The following OSBPL10 variants were observed in gnomAD, a reference collection of about 807,000 sequenced individuals.
OSBPL10 encodes oxysterol-binding protein-related protein 10.
Under a neutral mutation model 81.7 loss-of-function variants are expected in OSBPL10, and 49 were observed. The ratio of observed to expected loss-of-function variants is 0.60; its 90% CI spans 0.48 to 0.76. OSBPL10 has a LOEUF of 0.76. Among genes scored for constraint, OSBPL10 ranks in the 30% least tolerant of loss-of-function variants. The probability of loss-of-function intolerance (pLI) is 0.00; values close to 1 mark genes in which losing one functional copy is unlikely to be tolerated. For synonymous variants in OSBPL10, 419 were observed against 383.6 expected (o/e 1.09, Z -1.08); for missense variants, 923 against 987.8 (o/e 0.93, Z 0.88).
intron 7 of OSBPL10, among the ~76,000 whole-genome samples, chr3:31,693,956 G>C (rs988079797): frequency 2.0e-5 from 3 of 152,144 alleles, no homozygotes; most frequent in African/African-American, 7.2e-5. Context: ...TTTTGGTAGA[G>C]ACAAGGTCTT....
intron 2 of OSBPL10, among the ~76,000 whole-genome samples, chr3:31,876,998 G>T (rs1439026600): frequency 6.6e-6 from 1 of 150,970 alleles, no homozygotes; most frequent in Non-Finnish European, 1.5e-5. Flanking sequence ...CTGCCTCCTG[G>T]GTTCATACCA....
chr3:31,990,956 A>G (rs1438759753), intron 2 of OSBPL10: 9 of 1,574,498 alleles, frequency 5.7e-6, no homozygotes, highest in Non-Finnish European at 7.8e-6. Flanking sequence ...AAATGTCATA[A>G]GCGTGGCAAG....
chr3:31,717,643 C>G (rs1696486809), intron 6 of OSBPL10, among the ~76,000 whole-genome samples: 1 of 152,188 alleles, frequency 6.6e-6, no homozygotes, highest in Non-Finnish European at 1.5e-5. Flanking sequence ...ATTTTCTATT[C>G]TCTTTAATTT....
At chr3:31,940,376 G>A (rs1697500103) in intron 1 of OSBPL10, among the ~76,000 whole-genome samples, 1 of 152,214 alleles carries the variant, frequency 6.6e-6, no homozygotes, top group African/African-American at 2.4e-5. Flanking sequence ...GACATAACTG[G>A]TGATAAAAGT....
intron 6 of OSBPL10, among the ~76,000 whole-genome samples, chr3:31,707,619 T>A (rs1696115100): frequency 6.6e-6 from 1 of 151,968 alleles, no homozygotes; most frequent in Non-Finnish European, 1.5e-5. Context: ...TCAAAAAAAA[T>A]GGGTAGTCTG....
At chr3:31,854,792 T>A (rs1487603350) in intron 3 of OSBPL10, among the ~76,000 whole-genome samples, 1 of 152,212 alleles carries the variant, frequency 6.6e-6, no homozygotes, top group East Asian at 1.9e-4. Flanking sequence ...AATAAATGAA[T>A]GAAACTTTTT....
chr3:32,018,911 G>T lies in OSBPL10; in HGVS notation n.298+27580C>A, dbSNP rs545366009. Among the ~76,000 whole-genome samples the T allele has an allele frequency of 6.3e-4, 95 of 150,932 alleles. 2 individuals are homozygous for T. Among genetic ancestry groups the T allele is most frequent in the South Asian group, 4.6e-3 (22 of 4,780 alleles). On this transcript the variant is annotated intron_variant and non_coding_transcript_variant, in intron 2 of 3. Coordinates refer to the OSBPL10 transcript ENST00000479173. ...GAAAAGATAAGAACAAGAAGTGAAA[G>T]AAGAAAAAAATTAAAATGAGTAGAT...
intron 10 of OSBPL10, 152 bp downstream of exon 10, chr3:31,668,490 A>G (rs1700249913): frequency 6.0e-6 from 4 of 670,046 alleles, no homozygotes; most frequent in African/African-American, 1.8e-5. Flanking sequence ...AGTGACACAC[A>G]GTAGAAAATT....
At chr3:31,663,360 A>C (rs1019215674) in intron 11 of OSBPL10, 9 of 985,660 alleles carry the variant, frequency 9.1e-6, no homozygotes, top group Non-Finnish European at 1.1e-5. Context: ...CCTGCTCTTC[A>C]TTGATGTTGC....
chr3:32,033,392 T>C (rs913223817), intron 2 of OSBPL10, among the ~76,000 whole-genome samples: 1 of 152,198 alleles, frequency 6.6e-6, no homozygotes, highest in Non-Finnish European at 1.5e-5. Context: ...AATTTAATTA[T>C]AAAGTAGCTG....
intron 1 of OSBPL10, among the ~76,000 whole-genome samples, chr3:31,974,583 C>A (rs1298937367): frequency 6.6e-6 from 1 of 152,182 alleles, no homozygotes; most frequent in African/African-American, 2.4e-5. Flanking sequence ...CAACTATACA[C>A]AGAAACATGC....
At chr3:31,668,936 G>A in intron 9 of OSBPL10, 112 bp from the exon 10 acceptor site, 1 of 945,806 alleles carries the variant, frequency 1.1e-6, no homozygotes, top group Non-Finnish European at 1.5e-6. Context: ...GGGAAGGAGG[G>A]ATTGTTTTTG....
Position 32,006,221 on chromosome 3 carries a change from C to T in OSBPL10, n.298+40270G>A, listed in dbSNP as rs963146317. ...TCGGCCTCTCAAAGTGCTGGGATTA[C>T]AGGCGTGAGCCACCGCACCCCTCCA... On this transcript the variant is annotated intron_variant and non_coding_transcript_variant, in intron 2 of 3. Transcript: ENST00000479173. Among the ~76,000 whole-genome samples, 6 of 152,354 alleles carry T rather than the reference C, an allele frequency of 3.9e-5. No individual in the cohort carries two copies. In the East Asian group the frequency reaches 9.6e-4, roughly 25 times the overall value.
At chr3:31,725,149 A>C (rs935083906) in intron 6 of OSBPL10, among the ~76,000 whole-genome samples, 3 of 152,242 alleles carry the variant, frequency 2.0e-5, no homozygotes, top group Non-Finnish European at 4.4e-5. Flanking sequence ...TGCTAAACTA[A>C]GGAAGGGCTC....
chr3:32,043,062 C>T lies in OSBPL10; in HGVS notation n.298+3429G>A, dbSNP rs374258475. Among the ~76,000 whole-genome samples, 3 of 151,988 alleles carry T rather than the reference C, an allele frequency of 2.0e-5. 1 individual carries two copies. In the East Asian group the frequency reaches 5.8e-4, roughly 29 times the overall value. Reference sequence around the variant, plus strand: ...TTACTGGGGCGGGTTTTTTCCCCACCGTAGTAAGTCTGAGGGTACTGCAGG... The same window carrying T: ...TTACTGGGGCGGGTTTTTTCCCCACTGTAGTAAGTCTGAGGGTACTGCAGG... On this transcript the variant is annotated intron_variant and non_coding_transcript_variant, in intron 2 of 3. Coordinates refer to the OSBPL10 transcript ENST00000479173.
At chr3:31,721,382 G>A (rs1211492052) in intron 6 of OSBPL10, 3 of 152,308 alleles carry the variant, frequency 2.0e-5, no homozygotes, top group East Asian at 1.9e-4. Flanking sequence ...CTTTATTTCT[G>A]TATACACAGA....
chr3:31,786,299 T>C (rs927249262), intron 4 of OSBPL10, among the ~76,000 whole-genome samples: 3 of 152,196 alleles, frequency 2.0e-5, no homozygotes, highest in Non-Finnish European at 4.4e-5. Flanking sequence ...TGAAGTCAAA[T>C]TTATACTTCT....
At chr3:31,909,000 G>A (rs772772130) in intron 1 of OSBPL10, among the ~76,000 whole-genome samples, 3 of 152,232 alleles carry the variant, frequency 2.0e-5, no homozygotes, top group Admixed American at 6.5e-5. Flanking sequence ...CTGGAGAGAA[G>A]TATCATTTAG....
At chr3:31,721,987 G>A (rs960181484) in intron 6 of OSBPL10, among the ~76,000 whole-genome samples, 1 of 152,154 alleles carries the variant, frequency 6.6e-6, no homozygotes, top group African/African-American at 2.4e-5. Flanking sequence ...CACAGCTGGG[G>A]CTCCAGAGAG....
Sources: allele counts gnomAD v4.1 joint callset (sites outside exome capture counted in the v4.1 genomes callset), GRCh38; gene constraint gnomAD v4.1.1; transcripts MANE v1.5; gene names NCBI Gene and HGNC (gene_info 2026-07-23, HGNC 2026-07-21).